The following ZNF469 variants were observed in gnomAD, a reference collection of about 807,000 sequenced individuals.
ZNF469 encodes the protein zinc finger protein 469.
A neutral mutation model predicts 1.0 loss-of-function variants in ZNF469; 1 was observed. That is an observed-to-expected ratio of 1.00 (90% CI 0.35 to 4.73). The LOEUF (loss-of-function observed/expected upper bound fraction) is 4.73. Among genes scored for constraint, ZNF469 ranks in the 30% most tolerant of loss-of-function variants. ZNF469 has a pLI of 0.16. For missense variants in ZNF469, 6,100 were observed against 5,356.3 expected (o/e 1.14, Z -4.33); for synonymous variants, 2,703 against 2,363.4 (o/e 1.14, Z -4.17).
chr16:88,436,906 T>C lies in ZNF469; in HGVS notation c.9436T>C (p.Tyr3146His), dbSNP rs1342779752. 1 of 1,501,878 alleles carries C rather than the reference T, an allele frequency of 6.7e-7. No homozygotes were observed. Among genetic ancestry groups the C allele is most frequent in the Admixed American group, 2.1e-5 (1 of 46,526 alleles). The allele number at this position is 1,501,878 out of a possible 1,614,324, so 93.0% of individuals were successfully genotyped here. A position where few individuals can be genotyped will look rare whatever the true frequency, so the allele number is the denominator to read the frequency against. Reference protein sequence around the residue: ...AHTPAPPPTCYMCVERRFGSR... With the variant: ...AHTPAPPPTCHMCVERRFGSR... The stretch of plus-strand genomic sequence containing the variant: ...CACGCCCGCGCCGCCGCCCACCTGC[T>C]ACATGTGCGTGGAGCGCAGGTTTGG... The change falls in exon 3 of 3, where the codon TAC becomes CAC. Residue 3146 changes from tyrosine to histidine, a missense_variant. Physicochemically the swap from Tyr to His is moderately conservative, Grantham distance 83. Coordinates refer to ENST00000565624, the MANE Select transcript of ZNF469 (RefSeq NM_001367624.2).
At chr16:88,219,921 G>C in the ZNF469 span, among the ~76,000 whole-genome samples, 4 of 152,144 alleles carry the variant, frequency 2.6e-5, no homozygotes, top group African/African-American at 9.7e-5. Flanking sequence ...ACTGGCAGAT[G>C]CCCCTAGAGA....
chr16:88,398,838 C>T (rs1285726038), intron 1 of ZNF469, among the ~76,000 whole-genome samples: 1 of 152,216 alleles, frequency 6.6e-6, no homozygotes, highest in African/African-American at 2.4e-5. Flanking sequence ...CAGGGCAGAT[C>T]TGAGGAAAGT....
At chr16:88,147,038 C>T in the ZNF469 span, among the ~76,000 whole-genome samples, 8 of 152,260 alleles carry the variant, frequency 5.3e-5, no homozygotes, top group African/African-American at 1.7e-4. Flanking sequence ...ATCCTGCAAA[C>T]ATGTGCCCTC....
chr16:88,204,106 C>T, the ZNF469 span, among the ~76,000 whole-genome samples: 8 of 150,966 alleles, frequency 5.3e-5, no homozygotes, highest in East Asian at 2.0e-4. Flanking sequence ...GGAGGTGCCC[C>T]GTAACCCCAC....
rs770986542 is a variant in ZNF469, at chr16:88,432,417, G to A, written c.4947G>A (p.Ala1649=). 3.9e-5 allele frequency: 61 copies of A among 1,549,924 alleles called. No individual in the cohort carries two copies. Among genetic ancestry groups the A allele is most frequent in the East Asian group, 2.4e-4 (10 of 40,932 alleles). Residue 1649 remains alanine (A), a synonymous_variant, in exon 3 of 3, where the codon GCG becomes GCA. Coordinates refer to ENST00000565624, the MANE Select transcript of ZNF469 (RefSeq NM_001367624.2). ...AATCGGCTGTGGCCACCGTGGAAGC[G>A]GTTCAGGGGAGGCCTGGGGGGACGT... ...GAESAVATVE[A]VQGRPGGTWP...
chr16:88,418,309 C>T (rs1186385594), intron 1 of ZNF469, among the ~76,000 whole-genome samples: 3 of 152,148 alleles, frequency 2.0e-5, no homozygotes, highest in African/African-American at 4.8e-5. Flanking sequence ...AAGCTGAAGG[C>T]CCATCTCGGT....
At chr16:88,372,508 A>G in the ZNF469 span, among the ~76,000 whole-genome samples, 1 of 151,386 alleles carries the variant, frequency 6.6e-6, no homozygotes, top group South Asian at 2.1e-4. Flanking sequence ...CATCACCATG[A>G]TCACCATCAC....
the ZNF469 span, among the ~76,000 whole-genome samples, chr16:88,269,025 A>C: frequency 6.6e-6 from 1 of 152,190 alleles, no homozygotes; most frequent in Non-Finnish European, 1.5e-5. Flanking sequence ...CAGTTGACCT[A>C]GGAGGGTCTG....
chr16:88,279,344 C>A, the ZNF469 span, among the ~76,000 whole-genome samples: 2 of 149,822 alleles, frequency 1.3e-5, no homozygotes, highest in Non-Finnish European at 3.0e-5. Context: ...TATCAGTGCA[C>A]GGTTAGTGCT....
the ZNF469 span, among the ~76,000 whole-genome samples, chr16:88,208,545 AGGAGGGAAGGAG>A: frequency 2.5e-4 from 15 of 60,866 alleles, no homozygotes; most frequent in African/African-American, 4.6e-4. Flanking sequence ...GGAAGAAGGA[AGGAGGGAAGGAG>A]GGAGGGAAGG....
At chr16:88,256,059 C>T in the ZNF469 span, among the ~76,000 whole-genome samples, 5 of 152,218 alleles carry the variant, frequency 3.3e-5, no homozygotes, top group Admixed American at 1.3e-4. Flanking sequence ...TCCAAAATGG[C>T]GATGCTCCTG....
chr16:88,352,755 T>C, the ZNF469 span, among the ~76,000 whole-genome samples: 1 of 152,154 alleles, frequency 6.6e-6, no homozygotes, highest in East Asian at 1.9e-4. Context: ...TCCCCTCTTC[T>C]CCCTCCCTAG....
the ZNF469 span, among the ~76,000 whole-genome samples, chr16:88,139,711 C>G: frequency 7.9e-5 from 12 of 152,148 alleles, no homozygotes; most frequent in Non-Finnish European, 1.3e-4. Flanking sequence ...GTCCCCTGGC[C>G]TGGGGACATG....
At chr16:88,122,511 G>T in the ZNF469 span, among the ~76,000 whole-genome samples, 4 of 151,522 alleles carry the variant, frequency 2.6e-5, no homozygotes, top group African/African-American at 9.7e-5. Flanking sequence ...CGGCCACTCA[G>T]ATCACACTCT....
chr16:88,232,074 G>A, the ZNF469 span, among the ~76,000 whole-genome samples: 2 of 152,144 alleles, frequency 1.3e-5, no homozygotes, highest in Admixed American at 6.5e-5. Context: ...GGCAGGGCGG[G>A]CGCGAGGAGG....
At chr16:88,178,760 G>GAGA in the ZNF469 span, 1 of 152,158 alleles carries the variant, frequency 6.6e-6, no homozygotes, top group Non-Finnish European at 1.5e-5. Context: ...CAGGGGTGAG[G>GAGA]AGAAGAGAGA....
chr16:88,229,859 G>A, the ZNF469 span, among the ~76,000 whole-genome samples: 1 of 152,290 alleles, frequency 6.6e-6, no homozygotes, highest in African/African-American at 2.4e-5. Flanking sequence ...GAACAGCAGG[G>A]ACCCCCCAGC....
the ZNF469 span, among the ~76,000 whole-genome samples, chr16:88,196,242 A>C: frequency 6.6e-6 from 1 of 152,208 alleles, no homozygotes; most frequent in Non-Finnish European, 1.5e-5. Context: ...GTGGACCACC[A>C]GGCTAGCAGG....
the ZNF469 span, among the ~76,000 whole-genome samples, chr16:88,295,724 G>A: frequency 2.0e-5 from 3 of 152,170 alleles, no homozygotes; most frequent in African/African-American, 7.2e-5. Context: ...GGACCAAGCT[G>A]TTCACCCATC....
Sources: gnomAD v4.1 joint callset for allele counts (sites outside exome capture counted in the v4.1 genomes callset) on GRCh38, gnomAD v4.1.1 for gene constraint, MANE v1.5 for transcripts, NCBI Gene and HGNC (gene_info 2026-07-23, HGNC 2026-07-21) for gene names.